The following MIPOL1 variants were observed in gnomAD, a reference collection of about 807,000 sequenced individuals.
MIPOL1 encodes the protein mirror-image polydactyly gene 1 protein.
In MIPOL1, 57 loss-of-function variants were observed where a neutral mutation model predicts 60.9. The observed-to-expected ratio is 0.94, with a 90% CI of 0.76 to 1.17. The LOEUF is 1.17. MIPOL1 is among the 50% of genes most tolerant of loss of function. The pLI, the probability that MIPOL1 is intolerant of heterozygous loss-of-function variation, is 0.00. For missense variants in MIPOL1, 551 were observed against 511.6 expected, an observed-to-expected ratio of 1.08 and a Z score of -0.74; for synonymous variants, 179 against 168.8, an observed-to-expected ratio of 1.06 and a Z score of -0.47.
intron 9 of MIPOL1, among the ~76,000 whole-genome samples, chr14:37,358,102 T>C (rs546210483): frequency 6.6e-6 from 1 of 152,242 alleles, no homozygotes; most frequent in East Asian, 1.9e-4. Context: ...TGGTTTCCTG[T>C]CCTTCTGAAA....
chr14:37,306,864 C>G (rs577969153), intron 7 of MIPOL1, among the ~76,000 whole-genome samples: 7 of 151,594 alleles, frequency 4.6e-5, no homozygotes, highest in Non-Finnish European at 1.0e-4. Context: ...AAGTAGTTAC[C>G]CTTCTTGAAA....
At chr14:37,322,011 A>T (rs2088630943) in intron 9 of MIPOL1, among the ~76,000 whole-genome samples, 1 of 151,960 alleles carries the variant, frequency 6.6e-6, no homozygotes, top group South Asian at 2.1e-4. Flanking sequence ...ATCTATTATT[A>T]TATTTTGCTA....
intron 7 of MIPOL1, among the ~76,000 whole-genome samples, chr14:37,290,414 T>C (rs1014229604): frequency 6.6e-6 from 1 of 152,056 alleles, no homozygotes; most frequent in African/African-American, 2.4e-5. Flanking sequence ...TTAGTAGAGA[T>C]GGGGTTTCAC....
intron 1 of MIPOL1, among the ~76,000 whole-genome samples, chr14:37,231,398 A>G (rs533862342): frequency 6.6e-6 from 1 of 152,206 alleles, no homozygotes; most frequent in East Asian, 1.9e-4. Flanking sequence ...AATATTTTCA[A>G]TATACAGTTG....
intron 10 of MIPOL1, among the ~76,000 whole-genome samples, chr14:37,409,238 A>G (rs1429386276): frequency 6.6e-6 from 1 of 152,192 alleles, no homozygotes; most frequent in Non-Finnish European, 1.5e-5. Flanking sequence ...ATCATGAGTG[A>G]CAGCAGACAC....
chr14:37,477,373 G>T (rs1196691513), intron 11 of MIPOL1, among the ~76,000 whole-genome samples: 6 of 151,930 alleles, frequency 3.9e-5, no homozygotes, highest in Admixed American at 3.9e-4. Flanking sequence ...GAATGTTATT[G>T]ATTATTTTAT....
rs115532786 is a variant in MIPOL1 at position 37,304,254 on chromosome 14, A to G, written c.624-3802A>G. On this transcript the variant is annotated intron_variant, in intron 7 of 12. Transcript: ENST00000684589. ...CTTTGCTACTTCTGATCTACATTGT[A>G]TCTCTGTTACAGTGTCTGCTTTGTC... Among the ~76,000 whole-genome samples the G allele has an allele frequency of 5.1e-3, 774 of 151,690 alleles. 5 individuals are homozygous for G. Among genetic ancestry groups the G allele is most frequent in the African/African-American group, 0.018 (727 of 41,460 alleles).
rs80143987 is a variant in MIPOL1, at chr14:37,268,045, G to A, written c.252-613G>A. 1.1e-3 allele frequency among the ~76,000 whole-genome samples: 165 copies of A among 152,242 alleles called. 1 individual carries two copies. Among genetic ancestry groups the A allele is most frequent in the African/African-American group, 3.6e-3 (149 of 41,550 alleles). On this transcript the variant is annotated intron_variant, in intron 4 of 12. Transcript: ENST00000684589. ...TGAGATTAAGGAACTTTGATAATTAGTCATGTGCTAGAAAAATATTATTAG... is the reference window on the plus strand; with the variant it reads ...TGAGATTAAGGAACTTTGATAATTAATCATGTGCTAGAAAAATATTATTAG...
intron 6 of MIPOL1, among the ~76,000 whole-genome samples, chr14:37,275,808 T>A (rs2083615568): frequency 6.6e-6 from 1 of 151,246 alleles, no homozygotes; most frequent in Admixed American, 6.6e-5. Flanking sequence ...TAGTTATTTT[T>A]CTTTCTTGCA....
At chr14:37,504,039 T>C (rs1334506494) in intron 12 of MIPOL1, 1 of 152,100 alleles carries the variant, frequency 6.6e-6, no homozygotes, top group African/African-American at 2.4e-5. Context: ...AGGGATCACT[T>C]CAACAAGAAG....
intron 1 of MIPOL1, among the ~76,000 whole-genome samples, chr14:37,245,369 C>A (rs992201910): frequency 1.3e-5 from 2 of 152,096 alleles, no homozygotes; most frequent in Non-Finnish European, 2.9e-5. Flanking sequence ...GATTTAAACA[C>A]ATTGGCACAT....
chr14:37,465,493 C>T (rs572109587), intron 11 of MIPOL1, among the ~76,000 whole-genome samples: 1 of 152,246 alleles, frequency 6.6e-6, no homozygotes, highest in African/African-American at 2.4e-5. Context: ...GCACCATTAT[C>T]ACCTCAAATC....
At chr14:37,442,555 T>G (rs2094266927) in intron 11 of MIPOL1, among the ~76,000 whole-genome samples, 1 of 152,176 alleles carries the variant, frequency 6.6e-6, no homozygotes, top group East Asian at 1.9e-4. Context: ...TGATGCCTAG[T>G]TTGTTAAGGT....
chr14:37,235,952 A>G (rs1424839441), intron 1 of MIPOL1, among the ~76,000 whole-genome samples: 1 of 150,700 alleles, frequency 6.6e-6, no homozygotes, highest in African/African-American at 2.4e-5. Context: ...TTTGAGACGA[A>G]CTCTTGCTCT....
At chr14:37,336,105 GTTTTT>G (rs139169812) in intron 9 of MIPOL1, among the ~76,000 whole-genome samples, 7 of 111,762 alleles carry the variant, frequency 6.3e-5, no homozygotes, top group African/African-American at 1.6e-4. Context: ...CAAATTCATG[GTTTTT>G]TTTTTTTTTT....
At chr14:37,456,873 A>G (rs1318632697) in intron 11 of MIPOL1, among the ~76,000 whole-genome samples, 1 of 152,114 alleles carries the variant, frequency 6.6e-6, no homozygotes, top group Non-Finnish European at 1.5e-5. Flanking sequence ...ATAAAGTATG[A>G]ACATATGAAA....
At chr14:37,254,385 A>G (rs961784723) in intron 3 of MIPOL1, among the ~76,000 whole-genome samples, 12 of 151,828 alleles carry the variant, frequency 7.9e-5, no homozygotes, top group Admixed American at 3.3e-4. Flanking sequence ...TTTAAGATTC[A>G]TAATTTCTAA....
At chr14:37,360,533 G>T (rs1256829179) in intron 9 of MIPOL1, among the ~76,000 whole-genome samples, 2 of 152,064 alleles carry the variant, frequency 1.3e-5, no homozygotes, top group African/African-American at 4.8e-5. Context: ...AGTTCTTCCT[G>T]GTTTAGTCTT....
At chr14:37,388,133 G>A (rs889009979) in intron 10 of MIPOL1, among the ~76,000 whole-genome samples, 32 of 151,654 alleles carry the variant, frequency 2.1e-4, no homozygotes, top group African/African-American at 7.2e-4. Flanking sequence ...AAGAAACATC[G>A]TCAGACTCTC....
Sources: gnomAD v4.1 joint callset for allele counts (sites outside exome capture counted in the v4.1 genomes callset) on GRCh38, gnomAD v4.1.1 for gene constraint, MANE v1.5 for transcripts, NCBI Gene and HGNC (gene_info 2026-07-23, HGNC 2026-07-21) for gene names.